ARHGAP32: variants seen among roughly 807,000 people sequenced by gnomAD.
ARHGAP32 encodes rho GTPase-activating protein 32.
Under a neutral mutation model 186.5 loss-of-function variants are expected in ARHGAP32, and 51 were observed. The observed-to-expected ratio is 0.27, with a 90% CI of 0.22 to 0.35. The LOEUF (loss-of-function observed/expected upper bound fraction) is 0.35. Among genes scored for constraint, ARHGAP32 ranks in the 10% least tolerant of loss-of-function variants. The pLI is 1.00. For missense variants in ARHGAP32, 2,186 were observed against 2,623.5 expected (o/e 0.83, Z 3.64); for synonymous variants, 950 against 964.3 (o/e 0.99, Z 0.27).
chr11:129,256,060 T>A (rs532886901), intron 1 of ARHGAP32, among the ~76,000 whole-genome samples: 2 of 152,222 alleles, frequency 1.3e-5, no homozygotes, highest in South Asian at 4.1e-4. Flanking sequence ...TAGACAATGC[T>A]GAGCAAAAGA....
At chr11:129,080,240 A>G (rs549562157) in intron 6 of ARHGAP32, among the ~76,000 whole-genome samples, 1 of 152,296 alleles carries the variant, frequency 6.6e-6, no homozygotes, top group Admixed American at 6.5e-5. Flanking sequence ...ACTATACCCT[A>G]GAACAAATGG....
rs541118368 is a variant in ARHGAP32, at chr11:129,176,827, G to A, written c.117-12400C>T. Among the ~76,000 whole-genome samples the A allele has an allele frequency of 6.3e-3, 965 of 152,066 alleles. 11 individuals are homozygous for A. The highest frequency in any genetic ancestry group is 0.022 in the African/African-American group (922 of 41,456). ...TTTATAGCACTAAATGCCCACAAGA[G>A]AAAGCAGGAAAGATCCAACATCGAC... On this transcript the variant is annotated intron_variant, in intron 1 of 22. Coordinates refer to ENST00000682385, the MANE Select transcript of ARHGAP32 (RefSeq NM_001378024.1).
chr11:129,130,360 G>GA (rs1043892065), intron 2 of ARHGAP32, among the ~76,000 whole-genome samples: 13 of 151,812 alleles, frequency 8.6e-5, no homozygotes, highest in African/African-American at 2.9e-4. Context: ...CATTCATTAT[G>GA]AAAAATAAAT....
chr11:129,153,286 T>C (rs1447334760), intron 2 of ARHGAP32, among the ~76,000 whole-genome samples: 1 of 152,062 alleles, frequency 6.6e-6, no homozygotes, highest in African/African-American at 2.4e-5. Context: ...GTAGAATCAA[T>C]ATTGTGAAAA....
intron 2 of ARHGAP32, 119 bp from the exon 3 acceptor site, chr11:129,125,013 G>A: frequency 3.6e-6 from 2 of 562,716 alleles, no homozygotes; most frequent in South Asian, 6.8e-5. Context: ...ATATATCTTG[G>A]TTTAATAATC....
At chr11:129,262,136 T>C (rs556126893) in intron 1 of ARHGAP32, among the ~76,000 whole-genome samples, 35 of 152,264 alleles carry the variant, frequency 2.3e-4, no homozygotes, top group Middle Eastern at 3.4e-3. Context: ...ACTAATAAAA[T>C]AGAATTAAAA....
Position 129,071,508 on chromosome 11 carries a change from A to G in ARHGAP32, c.532-4640T>C, listed in dbSNP as rs183618507. 6.6e-5 allele frequency among the ~76,000 whole-genome samples: 10 copies of G among 152,264 alleles called. No individual in the cohort carries two copies. In the East Asian group the frequency reaches 1.9e-3, roughly 29 times the overall value. On this transcript the variant is annotated intron_variant, in intron 6 of 22. Coordinates refer to ENST00000682385, the MANE Select transcript of ARHGAP32 (RefSeq NM_001378024.1). ...AAGTGCAAATTAATACCACAATGAG[A>G]TATCATCTTGCATCCGTCAAAATGG...
chr11:128,989,454 G>C (rs1591506186), intron 12 of ARHGAP32, among the ~76,000 whole-genome samples: 2 of 151,426 alleles, frequency 1.3e-5, no homozygotes, highest in East Asian at 3.9e-4. Context: ...ACTGGCAGAA[G>C]TGAGAGATTC....
intron 12 of ARHGAP32, among the ~76,000 whole-genome samples, chr11:128,988,473 C>T (rs1000758259): frequency 1.3e-5 from 2 of 152,152 alleles, no homozygotes; most frequent in Non-Finnish European, 2.9e-5. Context: ...GTCCTAACAC[C>T]ATGCCAGATT....
At chr11:129,098,141 C>G (rs1006076475) in intron 5 of ARHGAP32, among the ~76,000 whole-genome samples, 5 of 152,166 alleles carry the variant, frequency 3.3e-5, no homozygotes, top group African/African-American at 1.2e-4. Context: ...TAAAGAAAAG[C>G]TGAGGGAGTC....
chr11:129,048,928 G>C (rs1157158343), intron 10 of ARHGAP32, among the ~76,000 whole-genome samples: 1 of 152,234 alleles, frequency 6.6e-6, no homozygotes, highest in Non-Finnish European at 1.5e-5. Flanking sequence ...TGTGTACTAA[G>C]AGGGGAAATA....
At chr11:129,021,595 C>A (rs1938596830) in intron 11 of ARHGAP32, among the ~76,000 whole-genome samples, 1 of 151,994 alleles carries the variant, frequency 6.6e-6, no homozygotes, top group Non-Finnish European at 1.5e-5. Flanking sequence ...ACTTACTTTT[C>A]TAGAAGCTAC....
At chr11:129,009,992 C>G (rs1459861889) in intron 11 of ARHGAP32, among the ~76,000 whole-genome samples, 1 of 152,160 alleles carries the variant, frequency 6.6e-6, no homozygotes, top group Admixed American at 6.5e-5. Context: ...TGTTTCTTGA[C>G]TTTTTAATAA....
At chr11:129,251,594 T>C (rs1314520351) in intron 1 of ARHGAP32, among the ~76,000 whole-genome samples, 3 of 151,968 alleles carry the variant, frequency 2.0e-5, no homozygotes, top group South Asian at 2.1e-4. Context: ...TATAACCACA[T>C]TTATCAAAGA....
chr11:129,127,932 C>T (rs922098856), intron 2 of ARHGAP32, among the ~76,000 whole-genome samples: 1 of 152,190 alleles, frequency 6.6e-6, no homozygotes, highest in African/African-American at 2.4e-5. Flanking sequence ...GCACCATTTA[C>T]ATTTAAACTC....
At chr11:129,055,022 C>T (rs1391613660) in intron 10 of ARHGAP32, among the ~76,000 whole-genome samples, 1 of 152,146 alleles carries the variant, frequency 6.6e-6, no homozygotes, top group Non-Finnish European at 1.5e-5. Context: ...CACACATGGA[C>T]CAAAATAGTC....
intron 15 of ARHGAP32, among the ~76,000 whole-genome samples, chr11:128,982,891 TAA>T (rs34630708): frequency 0.013 from 846 of 66,408 alleles, 18 homozygotes; most frequent in African/African-American, 0.048. Context: ...ACCTTGTCTT[TAA>T]AAAAAAAAAA....
intron 1 of ARHGAP32, among the ~76,000 whole-genome samples, chr11:129,173,877 G>A (rs569302249): frequency 5.3e-5 from 8 of 152,220 alleles, no homozygotes; most frequent in African/African-American, 1.9e-4. Context: ...TGTACTTGAG[G>A]TCTTATTCAC....
chr11:129,258,042 T>C (rs1033400500), intron 1 of ARHGAP32, among the ~76,000 whole-genome samples: 2 of 152,180 alleles, frequency 1.3e-5, no homozygotes, highest in African/African-American at 4.8e-5. Context: ...AAAAGTCTTA[T>C]TTTTGTCTAA....
Sources: gnomAD v4.1 joint callset for allele counts (sites outside exome capture counted in the v4.1 genomes callset) on GRCh38, gnomAD v4.1.1 for gene constraint, MANE v1.5 for transcripts, NCBI Gene and HGNC (gene_info 2026-07-23, HGNC 2026-07-21) for gene names.